SETD1A: variants seen among roughly 807,000 people sequenced by gnomAD.
SETD1A encodes the protein SET domain containing 1A, histone lysine methyltransferase, also known as histone-lysine N-methyltransferase SETD1A.
In SETD1A, 29 loss-of-function variants were observed where a neutral mutation model predicts 149.9. The ratio of observed to expected loss-of-function variants is 0.19; its 90% CI spans 0.14 to 0.26. The LOEUF (loss-of-function observed/expected upper bound fraction) is 0.26, where lower values mean the gene tolerates loss of function less well. Among genes scored for constraint, SETD1A ranks in the 10% least tolerant of loss-of-function variants. The pLI, the probability that SETD1A is intolerant of heterozygous loss-of-function variation, is 1.00. For synonymous variants in SETD1A, 1,141 were observed against 968.5 expected, an observed-to-expected ratio of 1.18 and a Z score of -3.31; for missense variants, 2,109 against 2,353.1, an observed-to-expected ratio of 0.90 and a Z score of 2.15.
At position 30,980,113 on chromosome 16, in the gene SETD1A, C is replaced by T. The variant is rs151071260; in HGVS notation, c.4327C>T (p.Leu1443=). 3.1e-4 allele frequency: 498 copies of T among 1,613,110 alleles called. 1 individual carries two copies. The highest frequency in any genetic ancestry group is 4.0e-4 in the Non-Finnish European group (476 of 1,179,620). ...CCTGGACTCAGAGGACATGAGTTACCTGCGGCTTACGTACGAGCGGCTGCT... is the reference window on the plus strand; with the variant it reads ...CCTGGACTCAGAGGACATGAGTTACTTGCGGCTTACGTACGAGCGGCTGCT... ...SGLDSEDMSY[L]RLTYERLLQQ... is the part of the protein sequence containing the mutation. The change falls in exon 14 of 19, where the codon CTG becomes TTG. Residue 1443 remains leucine, a synonymous_variant. Coordinates refer to ENST00000262519, the MANE Select transcript of SETD1A (RefSeq NM_014712.3). The surrounding 1 kb of genome is among the most constrained non-coding windows in gnomAD (Gnocchi z 7.7).
intron 5 of SETD1A, 89 bp from the exon 6 acceptor site, chr16:30,964,005 G>A (rs977416746): frequency 2.2e-5 from 22 of 1,008,220 alleles, no homozygotes; most frequent in Non-Finnish European, 2.9e-5. Flanking sequence ...AAAAAAAAAA[G>A]GGAACTAGGA....
chr16:30,973,741 A>G (rs2056252798), intron 13 of SETD1A, among the ~76,000 whole-genome samples: 1 of 152,120 alleles, frequency 6.6e-6, no homozygotes, highest in Non-Finnish European at 1.5e-5. Flanking sequence ...TGAGATAGGC[A>G]GTGCCCACAG....
Position 30,964,169 on chromosome 16 carries a change from A to C in SETD1A, c.715A>C (p.Asn239His), listed in dbSNP as rs1209692344. 1.2e-6 allele frequency: 2 copies of C among 1,613,874 alleles called. No individual in the cohort carries two copies. The highest frequency in any genetic ancestry group is 1.7e-6 in the Non-Finnish European group (2 of 1,179,996). Residue 239 changes from asparagine to histidine, a missense_variant, in exon 6 of 19, where the codon AAC (asparagine) becomes CAC (histidine). Asn to His is a moderately conservative substitution (Grantham distance 68, BLOSUM62 1). Coordinates refer to ENST00000262519, the MANE Select transcript of SETD1A (RefSeq NM_014712.3). ...CACCACTGCGGTGGGCACTCCTGGC[A>C]ACGGCACCCCCTGCTCCCAGGACAC... ...AGTTAVGTPG[N>H]GTPCSQDTSF...
chr16:30,962,860 A>T (rs989980341), intron 4 of SETD1A, among the ~76,000 whole-genome samples: 3 of 152,226 alleles, frequency 2.0e-5, no homozygotes, highest in Non-Finnish European at 2.9e-5. Flanking sequence ...CATGAGAATC[A>T]CTTGAACCTG....
At chr16:30,962,993 A>G (rs2143476080) in intron 4 of SETD1A, among the ~76,000 whole-genome samples, 1 of 152,310 alleles carries the variant, frequency 6.6e-6, no homozygotes, top group South Asian at 2.1e-4. Context: ...TGTTCACTCC[A>G]CAGCTCCTGC....
intron 8 of SETD1A, 21 bp from the exon 9 acceptor site, chr16:30,966,863 C>A: frequency 6.5e-7 from 1 of 1,536,342 alleles, no homozygotes; most frequent in East Asian, 2.4e-5. Flanking sequence ...CGCTGGGGCT[C>A]AGCCCCACTG....
chr16:30,967,530 C>T lies in SETD1A; in HGVS notation c.2712C>T (p.Ser904=), dbSNP rs770589592. The change falls in exon 10 of 19, where the codon TCC becomes TCT. Residue 904 remains serine (S), a synonymous_variant. Transcript: ENST00000262519. ...KVKRKEPSEI[S]EASEEKRPRP... is the part of the protein sequence containing the mutation. ...AGCGGAAAGAGCCATCGGAAATTTC[C>T]GAGGCCAGTGAGGAAAAGAGGCCTC... 15 of 1,613,810 alleles carry T rather than the reference C, an allele frequency of 9.3e-6. No individual in the cohort carries two copies. Among genetic ancestry groups the T allele is most frequent in the African/African-American group, 1.3e-5 (1 of 74,884 alleles).
rs1360878391 is a variant in SETD1A at position 30,969,455 on chromosome 16, C to T, written c.2921C>T (p.Ser974Leu). The change falls in exon 11 of 19, where the codon TCG becomes TTG. Residue 974 changes from serine to leucine, a missense_variant. Coordinates refer to ENST00000262519, the MANE Select transcript of SETD1A (RefSeq NM_014712.3). Reference sequence around the variant, plus strand: ...GAGGAGGCATCCCAGGAGTCCTCCTCGGAGAAGGTGAGGGCCCGGGCGCCG... The same window carrying T: ...GAGGAGGCATCCCAGGAGTCCTCCTTGGAGAAGGTGAGGGCCCGGGCGCCG... ...EGEEASQESS[S>L]EKDEEDDEED... The T allele has an allele frequency of 5.6e-6, 9 of 1,610,396 alleles. No individual in the cohort carries two copies. Among genetic ancestry groups the T allele is most frequent in the South Asian group, 1.1e-5 (1 of 90,650 alleles).
intron 13 of SETD1A, among the ~76,000 whole-genome samples, chr16:30,977,448 C>T (rs1156574552): frequency 6.6e-6 from 1 of 152,202 alleles, no homozygotes; most frequent in Non-Finnish European, 1.5e-5. Flanking sequence ...TGGGCAGGTG[C>T]CCCCAAAAGT....
At chr16:30,960,730 CTTTTTTT>C (rs71374043) in intron 3 of SETD1A, among the ~76,000 whole-genome samples, 6 of 80,552 alleles carry the variant, frequency 7.4e-5, no homozygotes, top group Non-Finnish European at 1.4e-4. Flanking sequence ...TTCTTTCTTT[CTTTTTTT>C]TTTTTTTTTT....
rs540669394 is a variant in SETD1A at position 30,979,674 on chromosome 16, C to A, written c.3888C>A (p.Ile1296=). 3.8e-5 allele frequency: 61 copies of A among 1,608,362 alleles called. No homozygotes were observed. The East Asian group carries it at 1.3e-3, about 35-fold the overall frequency. ...AERPRPLLSH[I]LLEHNYALAV... ...GCCCTAGGCCCCTGCTCAGCCACAT[C>A]CTCCTGGAGCACAACTATGCCCTGG... Residue 1296 remains isoleucine, a synonymous_variant, in exon 14 of 19, where the codon ATC becomes ATA. Transcript: ENST00000262519.
At chr16:30,967,755 TC>T (rs1288118119) in intron 10 of SETD1A, among the ~76,000 whole-genome samples, 167 bp downstream of exon 10, 1 of 152,178 alleles carries the variant, frequency 6.6e-6, no homozygotes, top group Non-Finnish European at 1.5e-5. Context: ...GGTAGAGTTA[TC>T]CCCGGATTGT....
chr16:30,959,341 G>A (rs1453862634), intron 3 of SETD1A, among the ~76,000 whole-genome samples, 155 bp downstream of exon 3: 3 of 152,166 alleles, frequency 2.0e-5, no homozygotes, highest in East Asian at 1.9e-4. Flanking sequence ...TGGATAGGAG[G>A]TACACTTAAT....
intron 6 of SETD1A, 141 bp downstream of exon 6, chr16:30,964,464 T>C: frequency 7.1e-7 from 1 of 1,406,180 alleles, no homozygotes; most frequent in Admixed American, 2.0e-5. Flanking sequence ...AACAAATTGC[T>C]GTCCTCGGGG....
At position 30,969,671 on chromosome 16, in the gene SETD1A, G is replaced by A. The variant is rs2056200408; in HGVS notation, c.2998G>A (p.Glu1000Lys). The change falls in exon 12 of 19, where the codon GAG becomes AAG. Residue 1000 changes from glutamate (E) to lysine (K), a missense_variant. This residue lies in a region of SETD1A where 832 missense variants were observed against 815.6 expected (regional missense o/e 1.02). Transcript: ENST00000262519. ...GGAAGCTGTGGATACCACAAAGAAG[G>A]AGACAGAGGTGTCGGATGGTGAGCA... ...REEAVDTTKK[E>K]TEVSDGEDEE... is the part of the protein sequence containing the mutation. 1 of 1,613,954 alleles carries A rather than the reference G, an allele frequency of 6.2e-7. No individual in the cohort carries two copies. The highest frequency in any genetic ancestry group is 8.5e-7 in the Non-Finnish European group (1 of 1,179,906).
In SETD1A at chr16:30,960,742, T is replaced by TC. The variant is rs1443607016; in HGVS notation, c.247-525_247-524insC. Among the ~76,000 whole-genome samples, 4 of 141,646 alleles carry TC rather than the reference T, an allele frequency of 2.8e-5. No individual in the cohort carries two copies. In the East Asian group the frequency reaches 8.3e-4, roughly 29 times the overall value. The allele number at this position is 141,646 out of a possible 152,430, so 92.9% of individuals were successfully genotyped here. On this transcript the variant is annotated intron_variant, in intron 3 of 18. Transcript: ENST00000262519. ...TCTTTCTTTCTTTCTTTTTTTTTTT[T>TC]TTTTTTTTTTTGAGACGGAGTCTCG... is the stretch of plus-strand genomic sequence containing the variant.
intron 17 of SETD1A, 109 bp downstream of exon 17, chr16:30,981,289 G>C: frequency 7.0e-7 from 1 of 1,425,828 alleles, no homozygotes; most frequent in Non-Finnish European, 9.6e-7. Flanking sequence ...CCCTAACCCC[G>C]GTACCTAGCC....
At chr16:30,977,537 G>C (rs1281840258) in intron 13 of SETD1A, among the ~76,000 whole-genome samples, 1 of 152,234 alleles carries the variant, frequency 6.6e-6, no homozygotes, top group Non-Finnish European at 1.5e-5. Context: ...AGCTGTGCTG[G>C]TGGAGGAGTG....
At position 30,973,556 on chromosome 16, in the gene SETD1A, G is replaced by A. The variant is rs769620809; in HGVS notation, c.3358+1837G>A. 7.9e-5 allele frequency among the ~76,000 whole-genome samples: 12 copies of A among 152,104 alleles called. No individual in the cohort carries two copies. In the South Asian group the frequency reaches 1.0e-3, roughly 13 times the overall value. ...TGTAGTCCCAGCTACTTGGGAGATC[G>A]AGGCACGAGAATCGCTTGAACCCGG... On this transcript the variant is annotated intron_variant, in intron 13 of 18. Transcript: ENST00000262519.
Sources: allele counts gnomAD v4.1 joint callset (sites outside exome capture counted in the v4.1 genomes callset), GRCh38; gene constraint gnomAD v4.1.1; regional missense constraint gnomAD v4.1.1; non-coding constraint Gnocchi (gnomAD v3.1); transcripts MANE v1.5; gene names NCBI Gene and HGNC (gene_info 2026-07-23, HGNC 2026-07-21).